CPQ: variants seen among roughly 807,000 people sequenced by gnomAD.
The protein encoded by CPQ is carboxypeptidase Q.
In CPQ, 37 loss-of-function variants were observed where a neutral mutation model predicts 45.7. The observed-to-expected ratio is 0.81, with a 90% CI of 0.62 to 1.07. The LOEUF is 1.07. Among genes scored for constraint, CPQ ranks in the 50% least tolerant of loss-of-function variants. The pLI, the probability that CPQ is intolerant of heterozygous loss-of-function variation, is 0.00. For missense variants in CPQ, 537 were observed against 572.9 expected, an observed-to-expected ratio of 0.94 and a Z score of 0.64; for synonymous variants, 186 against 205.8, an observed-to-expected ratio of 0.90 and a Z score of 0.82.
intron 4 of CPQ, among the ~76,000 whole-genome samples, chr8:96,919,493 A>C (rs1812779811): frequency 6.6e-6 from 1 of 152,156 alleles, no homozygotes; most frequent in Non-Finnish European, 1.5e-5. Flanking sequence ...TTGCTACATT[A>C]ATTGTAAACT....
chr8:97,095,124 C>CT (rs1308937284), intron 7 of CPQ, among the ~76,000 whole-genome samples: 1 of 152,088 alleles, frequency 6.6e-6, no homozygotes, highest in Non-Finnish European at 1.5e-5. Flanking sequence ...TCCTTGGACT[C>CT]TATTTATTCA....
chr8:96,724,466 A>G (rs550002571), intron 1 of CPQ, among the ~76,000 whole-genome samples: 1 of 150,694 alleles, frequency 6.6e-6, no homozygotes, highest in East Asian at 2.0e-4. Flanking sequence ...GAGCCAAGTC[A>G]AGAATGCAGT....
intron 7 of CPQ, chr8:97,092,896 G>T (rs1384038458): frequency 6.6e-6 from 1 of 152,094 alleles, no homozygotes; most frequent in Non-Finnish European, 1.5e-5. Flanking sequence ...CAGAATGGAA[G>T]AAAATATTTG....
At chr8:96,840,151 T>A (rs2130852448) in intron 3 of CPQ, among the ~76,000 whole-genome samples, 1 of 152,220 alleles carries the variant, frequency 6.6e-6, no homozygotes, top group South Asian at 2.1e-4. Context: ...AAAGGCAGAA[T>A]TGACCAAGAG....
At chr8:96,938,697 C>T (rs897234853) in intron 4 of CPQ, among the ~76,000 whole-genome samples, 1 of 152,132 alleles carries the variant, frequency 6.6e-6, no homozygotes, top group Non-Finnish European at 1.5e-5. Flanking sequence ...TAAGCGCCCC[C>T]ATTGACTGAA....
At chr8:97,021,203 G>A (rs1045802278) in intron 5 of CPQ, among the ~76,000 whole-genome samples, 15 of 152,098 alleles carry the variant, frequency 9.9e-5, no homozygotes, top group South Asian at 6.2e-4. Context: ...CAGCAAAATC[G>A]GCATATAAGG....
chr8:96,715,566 G>T (rs1418861492), intron 1 of CPQ, among the ~76,000 whole-genome samples: 1 of 152,190 alleles, frequency 6.6e-6, no homozygotes, highest in African/African-American at 2.4e-5. Flanking sequence ...ATCTGCAATG[G>T]TGGATGAGGG....
intron 3 of CPQ, among the ~76,000 whole-genome samples, chr8:96,851,491 C>T (rs996391757): frequency 8.5e-5 from 13 of 152,164 alleles, no homozygotes; most frequent in African/African-American, 2.9e-4. Flanking sequence ...TTCTCTGCTT[C>T]CAAGATGGCA....
At chr8:96,829,325 A>G (rs930527294) in intron 2 of CPQ, among the ~76,000 whole-genome samples, 4 of 152,120 alleles carry the variant, frequency 2.6e-5, no homozygotes, top group African/African-American at 9.7e-5. Flanking sequence ...TCCGGAGAGG[A>G]TGGGTCATGT....
intron 3 of CPQ, among the ~76,000 whole-genome samples, chr8:96,860,087 T>C (rs1362906614): frequency 6.6e-6 from 1 of 152,114 alleles, no homozygotes; most frequent in Non-Finnish European, 1.5e-5. Context: ...CATTGAGAGT[T>C]CTATGAACTC....
At chr8:97,059,468 T>C (rs1241765032) in intron 6 of CPQ, among the ~76,000 whole-genome samples, 2 of 152,088 alleles carry the variant, frequency 1.3e-5, no homozygotes, top group Non-Finnish European at 2.9e-5. Context: ...CTTTCCTGGC[T>C]CTCCCTTGGG....
At chr8:96,871,860 C>CTAGA in intron 3 of CPQ, among the ~76,000 whole-genome samples, 2 of 151,956 alleles carry the variant, frequency 1.3e-5, no homozygotes, top group Admixed American at 1.3e-4. Flanking sequence ...TGGGTTTCTT[C>CTAGA]TAGAGTTCAA....
intron 1 of CPQ, among the ~76,000 whole-genome samples, chr8:96,649,703 T>C (rs755229584): frequency 2.0e-5 from 3 of 152,214 alleles, no homozygotes; most frequent in Non-Finnish European, 4.4e-5. Flanking sequence ...GTAGCTGTGC[T>C]GTGATGTCAC....
chr8:97,106,469 G>A (rs1198156845), intron 7 of CPQ, among the ~76,000 whole-genome samples: 1 of 152,250 alleles, frequency 6.6e-6, no homozygotes, highest in African/African-American at 2.4e-5. Context: ...ACCTCAGTGA[G>A]GAAACAGTGC....
At chr8:96,977,480 A>C (rs1813809561) in intron 5 of CPQ, among the ~76,000 whole-genome samples, 1 of 152,184 alleles carries the variant, frequency 6.6e-6, no homozygotes, top group South Asian at 2.1e-4. Flanking sequence ...CAGCCATCTC[A>C]CTACTAGGTA....
chr8:96,785,821 C>T (rs1810761168), intron 2 of CPQ, among the ~76,000 whole-genome samples: 1 of 152,124 alleles, frequency 6.6e-6, no homozygotes, highest in Admixed American at 6.6e-5. Context: ...CTTATAAGCA[C>T]CCTGGATCAG....
In CPQ at chr8:97,122,982, T is replaced by A. The variant is rs796373539; in HGVS notation, c.1256-20038T>A. ...AAAATAAAATAAAATAAAATAAAAT[T>A]AAAATAAAATAAAATAAAATATAAA... is the stretch of plus-strand genomic sequence containing the variant. On this transcript the variant is annotated intron_variant, in intron 7 of 7. Coordinates refer to ENST00000220763, the MANE Select transcript of CPQ (RefSeq NM_016134.4). 5.7e-3 allele frequency among the ~76,000 whole-genome samples: 98 copies of A among 17,122 alleles called. 3 individuals are homozygous for A. Among genetic ancestry groups the A allele is most frequent in the East Asian group, 0.031 (8 of 260 alleles). The allele number at this position is 17,122 out of a possible 152,430, so 11.2% of individuals were successfully genotyped here. A position where few individuals can be genotyped will look rare whatever the true frequency, so the allele number is the denominator to read the frequency against.
At chr8:96,672,930 A>G (rs1056816864) in intron 1 of CPQ, among the ~76,000 whole-genome samples, 10 of 152,146 alleles carry the variant, frequency 6.6e-5, no homozygotes, top group Non-Finnish European at 1.2e-4. Context: ...GGCTTCAAGC[A>G]TAGCCATCAC....
intron 4 of CPQ, among the ~76,000 whole-genome samples, chr8:96,896,296 G>C (rs1485832306): frequency 6.6e-6 from 1 of 152,020 alleles, no homozygotes; most frequent in African/African-American, 2.4e-5. Flanking sequence ...AAAAGGCATG[G>C]CTTCACACTT....
Sources: gnomAD v4.1 joint callset for allele counts (sites outside exome capture counted in the v4.1 genomes callset) on GRCh38, gnomAD v4.1.1 for gene constraint, MANE v1.5 for transcripts, NCBI Gene and HGNC (gene_info 2026-07-23, HGNC 2026-07-21) for gene names.